Variants in CDH7 observed in about 807,000 individuals in gnomAD.
CDH7 encodes the protein cadherin 7.
In CDH7, 25 loss-of-function variants were observed where a neutral mutation model predicts 71.8. The observed-to-expected ratio is 0.35, with a 90% CI of 0.25 to 0.49. CDH7 has a LOEUF of 0.49. CDH7 is among the 20% of genes least tolerant of loss of function. The pLI is 0.99. For synonymous variants in CDH7, 381 were observed against 363.8 expected (o/e 1.05, Z -0.54); for missense variants, 862 against 974.6 (o/e 0.88, Z 1.54).
chr18:65,753,223 A>G (rs1252781475), intron 1 of CDH7, among the ~76,000 whole-genome samples: 1 of 152,204 alleles, frequency 6.6e-6, no homozygotes, highest in East Asian at 1.9e-4. Flanking sequence ...TTTTGATGGC[A>G]AAGCTGATAT....
chr18:65,793,234 G>A (rs532070620), intron 2 of CDH7, among the ~76,000 whole-genome samples: 4 of 152,140 alleles, frequency 2.6e-5, no homozygotes, highest in Middle Eastern at 3.4e-3. Flanking sequence ...GAGCTCAAAC[G>A]TTTGAGACCA....
At chr18:65,778,115 T>C (rs1910020652) in intron 2 of CDH7, among the ~76,000 whole-genome samples, 1 of 151,452 alleles carries the variant, frequency 6.6e-6, no homozygotes, top group South Asian at 2.1e-4. Flanking sequence ...CTACTAAAAA[T>C]ACAAAAATTA....
chr18:65,785,582 C>T (rs542503504), intron 2 of CDH7, among the ~76,000 whole-genome samples: 15 of 151,112 alleles, frequency 9.9e-5, no homozygotes, highest in African/African-American at 3.6e-4. Flanking sequence ...AGGAGAAAAC[C>T]TCTAAAATCT....
At chr18:65,830,250 T>A (rs1912288752) in intron 6 of CDH7, among the ~76,000 whole-genome samples, 1 of 152,290 alleles carries the variant, frequency 6.6e-6, no homozygotes, top group Admixed American at 6.5e-5. Flanking sequence ...CTGCTGTTGG[T>A]AAATAGGAAT....
chr18:65,782,513 G>T (rs898221412), intron 2 of CDH7, among the ~76,000 whole-genome samples: 1 of 152,040 alleles, frequency 6.6e-6, no homozygotes, highest in Non-Finnish European at 1.5e-5. Flanking sequence ...TATTAAAATA[G>T]AGCAAAATTT....
In CDH7 at chr18:65,771,811, GA is replaced by G. The variant is rs570768932; in HGVS notation, c.210+8767del. ...CCTTCTGTCCTTTTGCCATGCAAAC[GA>G]AAAAAAAGAGAGAGCCAAATGACAT... is the stretch of plus-strand genomic sequence containing the variant. On this transcript the variant is annotated intron_variant, in intron 2 of 11. Coordinates refer to ENST00000397968, the MANE Select transcript of CDH7 (RefSeq NM_004361.5). 2.6e-3 allele frequency among the ~76,000 whole-genome samples: 398 copies of G among 151,762 alleles called. 1 individual carries two copies. Among genetic ancestry groups the G allele is most frequent in the Non-Finnish European group, 4.5e-3 (307 of 67,912 alleles).
At position 65,889,358 on chromosome 18, in the gene CDH7, C is replaced by T. The variant is rs866527508; in HGVS notation, c.*8464C>T. On this transcript the variant is annotated 3_prime_UTR_variant, in exon 12 of 12. Transcript: ENST00000397968. ...AAGTTGCCATAGGGACAGCTCCAAC[C>T]CAGTGCTGGGCTCGTGGAAGGCAGC... is the stretch of plus-strand genomic sequence containing the variant. 1 of 152,196 alleles carries T rather than the reference C, an allele frequency of 6.6e-6. No homozygotes were observed. Among genetic ancestry groups the T allele is most frequent in the African/African-American group, 2.4e-5 (1 of 41,442 alleles). The allele number at this position is 152,196 out of a possible 1,614,324, so 9.4% of individuals were successfully genotyped here.
intron 2 of CDH7, among the ~76,000 whole-genome samples, chr18:65,787,481 A>G (rs1910559197): frequency 1.3e-5 from 2 of 152,252 alleles, no homozygotes; most frequent in Admixed American, 1.3e-4. Context: ...GATGGAGAGT[A>G]GTTACCAAAT....
chr18:65,817,264 G>A (rs6566178), intron 4 of CDH7, among the ~76,000 whole-genome samples: 3,573 of 152,162 alleles, frequency 0.023, 59 homozygotes, highest in African/African-American at 0.036. Flanking sequence ...TTTTATATAA[G>A]AGGTATCGTC....
At position 65,881,183 on chromosome 18, in the gene CDH7, T is replaced by G; in HGVS notation, c.*289T>G. 3.9e-6 allele frequency: 1 copy of G among 255,300 alleles called. No individual in the cohort carries two copies. The highest frequency in any genetic ancestry group is 7.5e-6 in the Non-Finnish European group (1 of 133,976). 15.8% of individuals were successfully genotyped at this position (255,300 alleles called of 1,614,324 possible). ...TTGTGAATAGATAGCAACTCTCATA[T>G]ACCTGCAAAGGCACCAAACCTCTAT... On this transcript the variant is annotated 3_prime_UTR_variant, in exon 12 of 12. Transcript: ENST00000397968.
chr18:65,759,858 C>T (rs1434400361), intron 1 of CDH7, among the ~76,000 whole-genome samples: 1 of 152,130 alleles, frequency 6.6e-6, no homozygotes, highest in African/African-American at 2.4e-5. Context: ...ATTTCTCCAG[C>T]TCTGATATTT....
rs574996575 is a variant in CDH7, at chr18:65,755,549, G to T, written c.-197+4399G>T. ...AGTGTGGCTGGTAATGTTGTGGTTC[G>T]AAATGAAGTGTGGCTTCAGCTCTGA... is the stretch of plus-strand genomic sequence containing the variant. On this transcript the variant is annotated intron_variant, in intron 1 of 11. Coordinates refer to ENST00000397968, the MANE Select transcript of CDH7 (RefSeq NM_004361.5). 1.8e-4 allele frequency among the ~76,000 whole-genome samples: 27 copies of T among 152,264 alleles called. 1 individual carries two copies. The East Asian group carries it at 5.2e-3, about 29-fold the overall frequency.
At chr18:65,828,349 A>G (rs1568207667) in intron 6 of CDH7, among the ~76,000 whole-genome samples, 1 of 152,102 alleles carries the variant, frequency 6.6e-6, no homozygotes, top group East Asian at 1.9e-4. Context: ...ATAGTGTTAC[A>G]CAGTTGATCC....
chr18:65,791,723 T>C (rs1041302805), intron 2 of CDH7, among the ~76,000 whole-genome samples: 2 of 152,232 alleles, frequency 1.3e-5, no homozygotes, highest in Non-Finnish European at 2.9e-5. Flanking sequence ...CTTAGGAGTC[T>C]TGTCACATGA....
At chr18:65,771,768 C>T (rs186527665) in intron 2 of CDH7, among the ~76,000 whole-genome samples, 8 of 151,970 alleles carry the variant, frequency 5.3e-5, no homozygotes, top group Admixed American at 5.3e-4. Flanking sequence ...AGTTCTCAGG[C>T]CAAGAGCCTG....
rs1915859524 is a variant in CDH7 at position 65,751,078 on chromosome 18, G to A, written c.-269G>A. On this transcript the variant is annotated 5_prime_UTR_variant, in exon 1 of 12. Transcript: ENST00000397968. Reference sequence around the variant, plus strand: ...GAGCCCGCGGGCGTCCGGCAGCCGAGCGCACGTTCTTTCGGATGCACACGC... The same window carrying A: ...GAGCCCGCGGGCGTCCGGCAGCCGAACGCACGTTCTTTCGGATGCACACGC... 1 of 152,298 alleles carries A rather than the reference G, an allele frequency of 6.6e-6. No individual in the cohort carries two copies. The highest frequency in any genetic ancestry group is 6.5e-5 in the Admixed American group (1 of 15,290). The allele number at this position is 152,298 out of a possible 1,614,324, so 9.4% of individuals were successfully genotyped here.
intron 6 of CDH7, among the ~76,000 whole-genome samples, chr18:65,836,412 G>A (rs1912534807): frequency 6.6e-6 from 1 of 151,932 alleles, no homozygotes; most frequent in Non-Finnish European, 1.5e-5. Context: ...TGATGGCTGT[G>A]GTTACTTTGA....
chr18:65,793,240 G>A (rs778019184), intron 2 of CDH7, among the ~76,000 whole-genome samples: 2 of 152,010 alleles, frequency 1.3e-5, no homozygotes, highest in Non-Finnish European at 2.9e-5. Context: ...AAACGTTTGA[G>A]ACCAGCCTGG....
intron 2 of CDH7, among the ~76,000 whole-genome samples, chr18:65,780,189 A>G (rs1910127346): frequency 8.7e-6 from 1 of 114,430 alleles, no homozygotes; most frequent in African/African-American, 4.0e-5. Flanking sequence ...AGTTCATTGT[A>G]GATTCTGGAT....
Sources: gnomAD v4.1 joint callset for allele counts (sites outside exome capture counted in the v4.1 genomes callset) on GRCh38, gnomAD v4.1.1 for gene constraint, MANE v1.5 for transcripts, NCBI Gene and HGNC (gene_info 2026-07-23, HGNC 2026-07-21) for gene names.